Variants in CACNB2 observed in about 807,000 individuals in gnomAD.
CACNB2 encodes the protein voltage-dependent L-type calcium channel subunit beta-2.
In CACNB2, 42 loss-of-function variants were observed where a neutral mutation model predicts 73.3. The ratio of observed to expected loss-of-function variants is 0.57; its 90% CI spans 0.45 to 0.74. CACNB2 has a LOEUF of 0.74. Ranked by LOEUF, CACNB2 falls within the 30% of genes least tolerant of loss-of-function variation. The pLI is 0.00. For missense variants in CACNB2, 940 were observed against 853.0 expected, an observed-to-expected ratio of 1.10 and a Z score of -1.27; for synonymous variants, 348 against 310.3, an observed-to-expected ratio of 1.12 and a Z score of -1.28.
chr10:18,231,647 A>G (rs1421594071), intron 2 of CACNB2, among the ~76,000 whole-genome samples: 1 of 152,232 alleles, frequency 6.6e-6, no homozygotes, highest in Non-Finnish European at 1.5e-5. Context: ...ACAGTACGGT[A>G]AGTGATTGAT....
chr10:18,431,766 C>A (rs931993678), intron 3 of CACNB2, among the ~76,000 whole-genome samples: 1 of 42,556 alleles, frequency 2.3e-5, no homozygotes, highest in Non-Finnish European at 4.1e-5. Flanking sequence ...AATCTCATTT[C>A]TTTTTCTTTT....
chr10:18,507,879 G>C (rs1011476007), intron 6 of CACNB2, among the ~76,000 whole-genome samples: 8 of 152,146 alleles, frequency 5.3e-5, no homozygotes, highest in African/African-American at 1.7e-4. Flanking sequence ...CTAATAATCA[G>C]CTTCATTCCT....
chr10:18,375,566 G>C (rs975417545), intron 2 of CACNB2, among the ~76,000 whole-genome samples: 1 of 152,064 alleles, frequency 6.6e-6, no homozygotes, highest in African/African-American at 2.4e-5. Flanking sequence ...GAAATAGAAG[G>C]CAATATTTGT....
intron 2 of CACNB2, among the ~76,000 whole-genome samples, chr10:18,328,945 T>C (rs1263767724): frequency 1.3e-5 from 2 of 152,182 alleles, no homozygotes; most frequent in Non-Finnish European, 2.9e-5. Flanking sequence ...ACTCAGAGAA[T>C]AGTTTTGACT....
Position 18,522,877 on chromosome 10 carries a change from CAAAAAAAAAAAAAAAAAAA to C in CACNB2, c.944+3927_944+3945del, listed in dbSNP as rs10528720. 9.7e-3 allele frequency among the ~76,000 whole-genome samples: 757 copies of C among 77,830 alleles called. 31 individuals are homozygous for C. Among genetic ancestry groups the C allele is most frequent in the East Asian group, 0.071 (185 of 2,620 alleles). The allele number at this position is 77,830 out of a possible 152,430, so 51.1% of individuals were successfully genotyped here. On this transcript the variant is annotated intron_variant, in intron 9 of 13. Coordinates refer to ENST00000324631, the MANE Select transcript of CACNB2 (RefSeq NM_201596.3). ...TGGGAAACAGAGTGAGACTCTGTCT[CAAAAAAAAAAAAAAAAAAA>C]AAAAAAAAAAAAAAAAAGTGATCAG...
chr10:18,190,236 G>C (rs1448477913), intron 2 of CACNB2, among the ~76,000 whole-genome samples: 1 of 152,216 alleles, frequency 6.6e-6, no homozygotes, highest in Non-Finnish European at 1.5e-5. Context: ...CAGGCAAGGA[G>C]ATTCATCCAG....
chr10:18,233,512 A>G (rs1279442593), intron 2 of CACNB2, among the ~76,000 whole-genome samples: 1 of 152,108 alleles, frequency 6.6e-6, no homozygotes, highest in Non-Finnish European at 1.5e-5. Context: ...AAAAAAAAGA[A>G]TGATGTTCTT....
chr10:18,339,317 T>C (rs1228742350), intron 2 of CACNB2, among the ~76,000 whole-genome samples: 1 of 152,028 alleles, frequency 6.6e-6, no homozygotes, highest in East Asian at 1.9e-4. Flanking sequence ...GGTCAGGAGT[T>C]CGAGACTAGC....
intron 10 of CACNB2, among the ~76,000 whole-genome samples, chr10:18,532,690 AAAAAAAC>A (rs2053167764): frequency 1.7e-5 from 1 of 58,756 alleles, no homozygotes; most frequent in Non-Finnish European, 3.6e-5. Context: ...AAAAAAAAAA[AAAAAAAC>A]AAAACAAAAA....
Position 18,541,905 on chromosome 10 carries a change from A to AAATT in CACNB2, c.*2183_*2186dup, listed in dbSNP as rs1032904194. 2 of 152,098 alleles carry AAATT rather than the reference A, an allele frequency of 1.3e-5. No homozygotes were observed. Among genetic ancestry groups the AAATT allele is most frequent in the African/African-American group, 4.8e-5 (2 of 41,400 alleles). The allele number at this position is 152,098 out of a possible 1,614,324, so 9.4% of individuals were successfully genotyped here. A position where few individuals can be genotyped will look rare whatever the true frequency, so the allele number is the denominator to read the frequency against. ...AAAAAACAAAAAAAACTATCCAGCA[A>AAATT]AATTATAAAATCTACTTTGTTTTGC... is the stretch of plus-strand genomic sequence containing the variant. On this transcript the variant is annotated 3_prime_UTR_variant, in exon 14 of 14. Coordinates refer to ENST00000324631, the MANE Select transcript of CACNB2 (RefSeq NM_201596.3).
At chr10:18,535,822 T>C (rs1169296389) in intron 11 of CACNB2, among the ~76,000 whole-genome samples, 1 of 152,082 alleles carries the variant, frequency 6.6e-6, no homozygotes, top group East Asian at 1.9e-4. Flanking sequence ...ATTGTGAATT[T>C]TTAAATAAAT....
At chr10:18,520,729 G>A (rs2051786400) in intron 9 of CACNB2, among the ~76,000 whole-genome samples, 1 of 152,160 alleles carries the variant, frequency 6.6e-6, no homozygotes, top group African/African-American at 2.4e-5. Flanking sequence ...TTACTCCCTT[G>A]CTGTTCTTTG....
chr10:18,460,411 C>T (rs932098654), intron 3 of CACNB2, among the ~76,000 whole-genome samples: 1 of 152,082 alleles, frequency 6.6e-6, no homozygotes, highest in African/African-American at 2.4e-5. Context: ...ATACACACAG[C>T]TCTGATAGTT....
At chr10:18,507,148 T>C (rs923534228) in intron 6 of CACNB2, among the ~76,000 whole-genome samples, 1 of 152,166 alleles carries the variant, frequency 6.6e-6, no homozygotes, top group Non-Finnish European at 1.5e-5. Flanking sequence ...TCATGGGCAG[T>C]AAATGGGTGA....
At position 18,541,901 on chromosome 10, in the gene CACNB2, A is replaced by T. The variant is rs1479427295; in HGVS notation, c.*2177A>T. 2 of 152,042 alleles carry T rather than the reference A, an allele frequency of 1.3e-5. No homozygotes were observed. Among genetic ancestry groups the T allele is most frequent in the Admixed American group, 1.3e-4 (2 of 15,256 alleles). The allele number at this position is 152,042 out of a possible 1,614,324, so 9.4% of individuals were successfully genotyped here. On this transcript the variant is annotated 3_prime_UTR_variant, in exon 14 of 14. Coordinates refer to ENST00000324631, the MANE Select transcript of CACNB2 (RefSeq NM_201596.3). The stretch of plus-strand genomic sequence containing the variant: ...AAACAAAAAACAAAAAAAACTATCC[A>T]GCAAAATTATAAAATCTACTTTGTT...
At chr10:18,181,065 G>GAA (rs34924301) in intron 2 of CACNB2, among the ~76,000 whole-genome samples, 9,919 of 117,774 alleles carry the variant, frequency 0.084, 441 homozygotes, top group South Asian at 0.13. Context: ...AGCCAAAATA[G>GAA]AAAAAAAAAA....
intron 2 of CACNB2, among the ~76,000 whole-genome samples, chr10:18,359,372 A>G (rs1589134495): frequency 6.6e-6 from 1 of 152,106 alleles, no homozygotes; most frequent in Non-Finnish European, 1.5e-5. Flanking sequence ...CCCAGGTTCA[A>G]GTGATTCTCC....
At chr10:18,519,948 G>T in intron 9 of CACNB2, 1 of 333,296 alleles carries the variant, frequency 3.0e-6, no homozygotes, top group Non-Finnish European at 5.9e-6. Flanking sequence ...CTTGGTTTCT[G>T]GAACCACACT....
chr10:18,522,732 G>A (rs1338367839), intron 9 of CACNB2, among the ~76,000 whole-genome samples: 2 of 151,954 alleles, frequency 1.3e-5, no homozygotes, highest in Non-Finnish European at 2.9e-5. Context: ...AAGAAAATTA[G>A]CTGGGCATGT....
Sources: allele counts gnomAD v4.1 joint callset (sites outside exome capture counted in the v4.1 genomes callset), GRCh38; gene constraint gnomAD v4.1.1; transcripts MANE v1.5; gene names NCBI Gene and HGNC (gene_info 2026-07-23, HGNC 2026-07-21).